The following HEATR5A variants were observed in gnomAD, a reference collection of about 807,000 sequenced individuals.
HEATR5A encodes the protein HEAT repeat-containing protein 5A.
A neutral mutation model predicts 218.8 loss-of-function variants in HEATR5A; 178 were observed. The ratio of observed to expected loss-of-function variants is 0.81; its 90% CI spans 0.72 to 0.92. HEATR5A has a LOEUF of 0.92. Ranked by LOEUF, HEATR5A falls within the 40% of genes least tolerant of loss-of-function variation. The probability of loss-of-function intolerance (pLI) is 0.00; values close to 1 mark genes in which losing one functional copy is unlikely to be tolerated. For synonymous variants in HEATR5A, 864 were observed against 871.6 expected, an observed-to-expected ratio of 0.99 and a Z score of 0.15; for missense variants, 2,420 against 2,418.9, an observed-to-expected ratio of 1.00 and a Z score of -0.01.
chr14:31,304,215 AAAC>A (rs1202863949), intron 32 of HEATR5A, among the ~76,000 whole-genome samples: 3 of 152,126 alleles, frequency 2.0e-5, no homozygotes, highest in Non-Finnish European at 2.9e-5. Context: ...TGTCAAACAA[AAAC>A]AACAACAAAA....
intron 6 of HEATR5A, among the ~76,000 whole-genome samples, chr14:31,393,527 T>C (rs1022586727): frequency 2.0e-5 from 3 of 152,120 alleles, no homozygotes; most frequent in Admixed American, 6.5e-5. Context: ...AAAGCTGTAA[T>C]GTAAAAGGAA....
intron 21 of HEATR5A, among the ~76,000 whole-genome samples, chr14:31,338,130 A>G (rs1900727391): frequency 6.6e-6 from 1 of 152,176 alleles, no homozygotes; most frequent in Non-Finnish European, 1.5e-5. Context: ...CAAATTATTT[A>G]ACTCCTCTAG....
At position 31,337,519 on chromosome 14, in the gene HEATR5A, A is replaced by G. The variant is rs906672123; in HGVS notation, c.3324T>C (p.His1108=). Residue 1108 remains histidine, a synonymous_variant, in exon 22 of 36, where the codon CAT becomes CAC. Coordinates refer to ENST00000543095, the MANE Select transcript of HEATR5A (RefSeq NM_015473.4). ...TGCTATCCTTAGCAAGCATAACAGC[A>G]TGTTCTGAAACTTCAGCTGCTTCTC... ...VQREAAEVSE[H]AVMLAKDSRE... is the part of the protein sequence containing the mutation. 1.3e-6 allele frequency: 2 copies of G among 1,560,514 alleles called. No homozygotes were observed. Among genetic ancestry groups the G allele is most frequent in the Non-Finnish European group, 1.7e-6 (2 of 1,151,550 alleles).
chr14:31,414,998 C>T (rs772905976), intron 1 of HEATR5A, among the ~76,000 whole-genome samples: 2 of 152,128 alleles, frequency 1.3e-5, no homozygotes, highest in African/African-American at 2.4e-5. Context: ...CACCACCATG[C>T]CCAGCTAATT....
In HEATR5A at chr14:31,344,268, C is replaced by CTTTTTTTTTTTTTTTTTTTTTTTTTT. The variant is rs577497140; in HGVS notation, c.3059-229_3059-204dup. 1.8e-4 allele frequency among the ~76,000 whole-genome samples: 9 copies of CTTTTTTTTTTTTTTTTTTTTTTTTTT among 50,812 alleles called. 2 individuals are homozygous for CTTTTTTTTTTTTTTTTTTTTTTTTTT. Among genetic ancestry groups the CTTTTTTTTTTTTTTTTTTTTTTTTTT allele is most frequent in the Non-Finnish European group, 2.9e-4 (8 of 27,196 alleles). The allele number at this position is 50,812 out of a possible 152,430, so 33.3% of individuals were successfully genotyped here. ...GTTACAGATTGTTAGATTAGTTATT[C>CTTTTTTTTTTTTTTTTTTTTTTTTTT]TTTTTTTTTTTTTTTTTTTTTTTTT... On this transcript the variant is annotated intron_variant, in intron 20 of 35. Coordinates refer to ENST00000543095, the MANE Select transcript of HEATR5A (RefSeq NM_015473.4).
chr14:31,302,745 T>C (rs1328449293), intron 32 of HEATR5A: 1 of 489,674 alleles, frequency 2.0e-6, no homozygotes, highest in Non-Finnish European at 3.6e-6. Context: ...ATAAATTGTG[T>C]GAGTATCATT....
intron 14 of HEATR5A, 34 bp downstream of exon 14, chr14:31,364,155 C>T: frequency 1.1e-6 from 1 of 943,536 alleles, no homozygotes; most frequent in East Asian, 2.7e-5. Flanking sequence ...ATACTAGCCA[C>T]AAACAAAAAA....
At position 31,323,550 on chromosome 14, in the gene HEATR5A, C is replaced by A. The variant is rs774364311; in HGVS notation, c.3787+15G>T. 7.6e-6 allele frequency: 12 copies of A among 1,568,924 alleles called. No homozygotes were observed. In the South Asian group the frequency reaches 1.3e-4, roughly 17 times the overall value. On this transcript the variant is annotated intron_variant, in intron 24 of 35. Transcript: ENST00000543095. ...TACACATATCATTTGGTGTTTTCAT[C>A]ACTATGTCACTTACTTCTTGAATCT...
Position 31,305,185 on chromosome 14 carries a change from A to G in HEATR5A, c.4967-8T>C. On this transcript the variant is annotated splice_region_variant and splice_polypyrimidine_tract_variant and intron_variant, in intron 31 of 35. Transcript: ENST00000543095. ...CAGCAGCCCCATCATCAACTAAAAG[A>G]AAGAATAGTGTTTAATACTTTGTGC... 6.2e-7 allele frequency: 1 copy of G among 1,611,674 alleles called. No individual in the cohort carries two copies. Among genetic ancestry groups the G allele is most frequent in the Non-Finnish European group, 8.5e-7 (1 of 1,179,478 alleles).
At chr14:31,301,635 G>A (rs1899378321) in intron 33 of HEATR5A, among the ~76,000 whole-genome samples, 1 of 151,886 alleles carries the variant, frequency 6.6e-6, no homozygotes, top group Non-Finnish European at 1.5e-5. Context: ...TGGGACCATA[G>A]GTGTGCACTA....
At chr14:31,338,989 AGGTGT>A (rs1202561631) in intron 21 of HEATR5A, among the ~76,000 whole-genome samples, 155 of 151,616 alleles carry the variant, frequency 1.0e-3, no homozygotes, top group Non-Finnish European at 1.9e-3. Context: ...GCATGGTGGC[AGGTGT>A]CTGTAATCCC....
intron 6 of HEATR5A, among the ~76,000 whole-genome samples, chr14:31,391,859 T>C (rs578257312): frequency 2.0e-5 from 3 of 152,336 alleles, no homozygotes; most frequent in Admixed American, 1.3e-4. Flanking sequence ...CTAAGAGCAA[T>C]AGTCTATACC....
intron 25 of HEATR5A, chr14:31,320,533 C>T: frequency 9.3e-7 from 1 of 1,081,040 alleles, no homozygotes; most frequent in East Asian, 2.4e-5. Context: ...TAGATGAATT[C>T]TCTGGGCTAT....
At chr14:31,320,753 AT>A (rs143401364) in intron 25 of HEATR5A, 23,260 of 335,372 alleles carry the variant, frequency 0.069, 991 homozygotes, top group East Asian at 0.16. Flanking sequence ...TAACAGGGCC[AT>A]TTTTTTTCCC....
chr14:31,381,504 G>A (rs1488200579), intron 10 of HEATR5A, among the ~76,000 whole-genome samples: 2 of 133,924 alleles, frequency 1.5e-5, no homozygotes, highest in Non-Finnish European at 3.1e-5. Flanking sequence ...GAGTGAGCTA[G>A]GATCACACCA....
intron 15 of HEATR5A, 37 bp from the exon 16 acceptor site, chr14:31,358,849 A>T: frequency 6.2e-7 from 1 of 1,609,320 alleles, no homozygotes; most frequent in Non-Finnish European, 8.5e-7. Context: ...TTTTAAAATC[A>T]CTGATCACAG....
At chr14:31,301,029 C>A (rs747736130) in intron 33 of HEATR5A, among the ~76,000 whole-genome samples, 6 of 152,146 alleles carry the variant, frequency 3.9e-5, no homozygotes, top group Admixed American at 2.0e-4. Context: ...AGGAGCCAGG[C>A]TCCACCAGAT....
chr14:31,308,467 A>G (rs1355207353), intron 29 of HEATR5A, among the ~76,000 whole-genome samples: 1 of 147,610 alleles, frequency 6.8e-6, no homozygotes, highest in East Asian at 2.0e-4. Context: ...AGATCGCTCC[A>G]TTGCACTCCA....
intron 26 of HEATR5A, among the ~76,000 whole-genome samples, chr14:31,316,229 C>G (rs1010299206): frequency 6.6e-6 from 1 of 152,030 alleles, no homozygotes; most frequent in African/African-American, 2.4e-5. Context: ...CCACAGTGAG[C>G]TAGGATTGAG....
Sources: allele counts gnomAD v4.1 joint callset (sites outside exome capture counted in the v4.1 genomes callset), GRCh38; gene constraint gnomAD v4.1.1; transcripts MANE v1.5; gene names NCBI Gene and HGNC (gene_info 2026-07-23, HGNC 2026-07-21).